EMSY: variants seen among roughly 807,000 people sequenced by gnomAD.
The protein encoded by EMSY is BRCA2-interacting transcriptional repressor EMSY.
EMSY carries 26 observed loss-of-function variants against 134.6 expected under a neutral mutation model. The observed-to-expected ratio is 0.19, with a 90% CI of 0.14 to 0.27. The LOEUF (loss-of-function observed/expected upper bound fraction) is 0.27. Among genes scored for constraint, EMSY ranks in the 10% least tolerant of loss-of-function variants. The probability of loss-of-function intolerance (pLI) is 1.00; values close to 1 mark genes in which losing one functional copy is unlikely to be tolerated. For synonymous variants in EMSY, 579 were observed against 577.8 expected (o/e 1.00, Z -0.03); for missense variants, 1,305 against 1,611.4 (o/e 0.81, Z 3.26).
intron 9 of EMSY, among the ~76,000 whole-genome samples, chr11:76,502,081 T>A (rs908712198): frequency 6.9e-6 from 1 of 144,636 alleles, no homozygotes; most frequent in Admixed American, 6.9e-5. Context: ...CTAAGAATCC[T>A]ATATCCAGCA....
chr11:76,505,300 A>G (rs995955687), intron 9 of EMSY, among the ~76,000 whole-genome samples: 2 of 150,296 alleles, frequency 1.3e-5, no homozygotes, highest in Admixed American at 6.6e-5. Context: ...GGTTCAAGCA[A>G]TTCTCCTGCT....
chr11:76,477,890 G>T (rs1246032441), intron 8 of EMSY, among the ~76,000 whole-genome samples: 1 of 151,986 alleles, frequency 6.6e-6, no homozygotes, highest in African/African-American at 2.4e-5. Context: ...TTACTTTGGT[G>T]AGAAAAATTT....
chr11:76,502,043 T>TG (rs1456434069), intron 9 of EMSY, among the ~76,000 whole-genome samples: 2 of 66,886 alleles, frequency 3.0e-5, no homozygotes, highest in Non-Finnish European at 6.2e-5. Context: ...ACATTTGAAA[T>TG]GAAAAAAAAA....
intron 4 of EMSY, among the ~76,000 whole-genome samples, 173 bp downstream of exon 5, chr11:76,454,963 G>T (rs1947811285): frequency 6.6e-6 from 1 of 151,930 alleles, no homozygotes; most frequent in African/African-American, 2.4e-5. Context: ...CCATTTTGCT[G>T]CTTGGGAGTA....
intron 3 of EMSY, 45 bp downstream of exon 3, chr11:76,452,002 G>A: frequency 7.8e-7 from 1 of 1,285,268 alleles, no homozygotes; most frequent in Non-Finnish European, 1.1e-6. Context: ...ATTTCATTTT[G>A]GGGGATTTTA....
intron 9 of EMSY, chr11:76,496,740 C>T: frequency 4.5e-6 from 2 of 448,770 alleles, no homozygotes; most frequent in Non-Finnish European, 8.2e-6. Context: ...TAGTATTGAT[C>T]TTGTATCCTT....
At chr11:76,523,704 C>CTTTTTTTTTTTTTTTTTTTTTTTTTT (rs746491659) in intron 12 of EMSY, among the ~76,000 whole-genome samples, 2 of 80,536 alleles carry the variant, frequency 2.5e-5, no homozygotes, top group African/African-American at 1.0e-4. Flanking sequence ...TTGTTACTTT[C>CTTTTTTTTTTTTTTTTTTTTTTTTTT]TTTTTTTTTT....
chr11:76,455,901 T>C (rs1947852103), intron 4 of EMSY, among the ~76,000 whole-genome samples: 1 of 152,194 alleles, frequency 6.6e-6, no homozygotes, highest in Non-Finnish European at 1.5e-5. Context: ...TTCTGCTCTC[T>C]TAATCCTTTC....
chr11:76,454,826 C>T (rs1304397322), intron 4 of EMSY, 36 bp downstream of exon 5: 1 of 1,377,526 alleles, frequency 7.3e-7, no homozygotes, highest in Non-Finnish European at 9.7e-7. Flanking sequence ...CAGGCTTTTT[C>T]TTGTATTTAT....
chr11:76,528,757 G>T (rs559131258), intron 14 of EMSY, among the ~76,000 whole-genome samples: 6 of 152,014 alleles, frequency 3.9e-5, no homozygotes, highest in Admixed American at 3.9e-4. Context: ...ATTCCCAGAT[G>T]GTAATTTTCA....
rs775086711 is a variant in EMSY at position 76,451,881 on chromosome 11, A to G, written c.94A>G (p.Ile32Val). Residue 32 changes from isoleucine to valine, a missense_variant, in exon 3 of 21, where the codon ATC becomes GTC. Coordinates refer to ENST00000334736, the Ensembl canonical transcript of EMSY. ...AGAATTGGAGGCATATGCTGGAGTT[A>G]TCAGTGCACTTCGGGCACAGGGGGA... 9 of 1,592,330 alleles carry G rather than the reference A, an allele frequency of 5.7e-6. 1 individual carries two copies. The South Asian group carries it at 1.0e-4, about 18-fold the overall frequency.
intron 2 of EMSY, 82 bp downstream of exon 2, chr11:76,447,090 T>G (rs931035730): frequency 2.3e-6 from 3 of 1,305,292 alleles, no homozygotes; most frequent in Non-Finnish European, 3.3e-6. Context: ...TTTGCATGGA[T>G]GTCATATCTC....
intron 14 of EMSY, among the ~76,000 whole-genome samples, chr11:76,534,394 CTTCTG>C (rs573500854): frequency 5.9e-5 from 9 of 152,050 alleles, no homozygotes; most frequent in Non-Finnish European, 1.3e-4. Flanking sequence ...AGCATCCAGT[CTTCTG>C]TATTTCTGGG....
chr11:76,547,517 T>C (rs1300950592), intron 20 of EMSY, among the ~76,000 whole-genome samples: 5 of 152,226 alleles, frequency 3.3e-5, no homozygotes, highest in Non-Finnish European at 5.9e-5. Flanking sequence ...CCATTCATTG[T>C]ATGATTTTGG....
intron 2 of EMSY, among the ~76,000 whole-genome samples, chr11:76,447,380 C>G (rs1947462464): frequency 6.6e-6 from 1 of 152,146 alleles, no homozygotes; most frequent in African/African-American, 2.4e-5. Flanking sequence ...AGCTTAGAAG[C>G]CAAGGTAATG....
intron 14 of EMSY, among the ~76,000 whole-genome samples, chr11:76,534,346 C>G (rs775013398): frequency 2.4e-4 from 36 of 152,136 alleles, no homozygotes; most frequent in Non-Finnish European, 3.4e-4. Context: ...TGAATAAAAG[C>G]TGCTCTGTGC....
At chr11:76,525,249 G>A (rs1950803502) in intron 12 of EMSY, among the ~76,000 whole-genome samples, 2 of 152,234 alleles carry the variant, frequency 1.3e-5, no homozygotes, top group Non-Finnish European at 2.9e-5. Context: ...TCTTTCCAGA[G>A]ATGGTGCTGG....
intron 10 of EMSY, among the ~76,000 whole-genome samples, chr11:76,513,822 C>T (rs1950358525): frequency 6.6e-6 from 1 of 152,080 alleles, no homozygotes. Flanking sequence ...GGACCATAAG[C>T]TCTGTGAGCG....
chr11:76,486,158 A>G (rs61894533), intron 8 of EMSY, among the ~76,000 whole-genome samples: 2,344 of 152,154 alleles, frequency 0.015, 39 homozygotes, highest in Middle Eastern at 0.037. Flanking sequence ...GGAACAGAAA[A>G]CCAAACACCA....
Sources: allele counts gnomAD v4.1 joint callset (sites outside exome capture counted in the v4.1 genomes callset), GRCh38; gene constraint gnomAD v4.1.1; transcripts MANE v1.5; gene names NCBI Gene and HGNC (gene_info 2026-07-23, HGNC 2026-07-21).